The following TAS2R1 variants were observed in gnomAD, a reference collection of about 807,000 sequenced individuals.
TAS2R1 encodes the protein taste 2 receptor member 1.
For synonymous variants in TAS2R1, 141 were observed against 134.2 expected (o/e 1.05, Z -0.35); for missense variants, 370 against 353.4 (o/e 1.05, Z -0.38).
At chr5:9,784,849 TA>T in the TAS2R1 span, among the ~76,000 whole-genome samples, 1 of 152,178 alleles carries the variant, frequency 6.6e-6, no homozygotes, top group East Asian at 1.9e-4. Flanking sequence ...CAGATTAGAT[TA>T]GGGGTCCACC....
the TAS2R1 span, among the ~76,000 whole-genome samples, chr5:9,893,520 TG>T: frequency 6.6e-6 from 1 of 152,306 alleles, no homozygotes; most frequent in African/African-American, 2.4e-5. Flanking sequence ...GTTTTCTAAT[TG>T]GGCTGGTCAA....
At chr5:9,819,614 G>A in the TAS2R1 span, among the ~76,000 whole-genome samples, 1 of 152,300 alleles carries the variant, frequency 6.6e-6, no homozygotes, top group African/African-American at 2.4e-5. Flanking sequence ...TATTAGGTAA[G>A]AAATGGGGAT....
In TAS2R1 at chr5:9,630,157, T is replaced by G; in HGVS notation, c.-125A>C. 1 of 770,300 alleles carries G rather than the reference T, an allele frequency of 1.3e-6. No individual in the cohort carries two copies. The highest frequency in any genetic ancestry group is 2.4e-5 in the South Asian group (1 of 41,692). 47.7% of individuals were successfully genotyped at this position (770,300 alleles called of 1,614,324 possible). A position where few individuals can be genotyped will look rare whatever the true frequency, so the allele number is the denominator to read the frequency against. On this transcript the variant is annotated 5_prime_UTR_variant, in exon 1 of 1. An upstream start codon of the reference 5' UTR is lost. Transcript: ENST00000382492. ...GGGAAGAAGACTAACAATAAAGGCA[T>G]GGGGCAGGAAGGTGGTGTACATTTG...
chr5:9,723,230 A>G, the TAS2R1 span, among the ~76,000 whole-genome samples: 1 of 152,124 alleles, frequency 6.6e-6, no homozygotes, highest in Non-Finnish European at 1.5e-5. Flanking sequence ...GTTGCCATGA[A>G]GACTGGGCCT....
chr5:9,638,974 C>T (rs1424810908), intron 2 of TAS2R1, among the ~76,000 whole-genome samples: 2 of 152,178 alleles, frequency 1.3e-5, no homozygotes, highest in African/African-American at 4.8e-5. Context: ...CCAGCAGTGC[C>T]CCCGCTCAGT....
chr5:9,770,292 A>G, the TAS2R1 span, among the ~76,000 whole-genome samples: 1 of 152,190 alleles, frequency 6.6e-6, no homozygotes, highest in African/African-American at 2.4e-5. Flanking sequence ...TGCCAGTACC[A>G]TGCTGCCTTG....
rs560632402 is a variant in TAS2R1, at chr5:9,636,159, AT to A, written c.-80-6168del. ...TCACTATTACCGTTCAGCTCAAATA[AT>A]TTTTTTTAATTTGCATCTCGATTTC... On this transcript the variant is annotated intron_variant, in intron 2 of 2. Coordinates refer to the TAS2R1 transcript ENST00000506620. Among the ~76,000 whole-genome samples, 11 of 151,934 alleles carry A rather than the reference AT, an allele frequency of 7.2e-5. No individual in the cohort carries two copies. The South Asian group carries it at 1.5e-3, about 20-fold the overall frequency.
chr5:9,846,720 T>C, the TAS2R1 span, among the ~76,000 whole-genome samples: 1 of 151,946 alleles, frequency 6.6e-6, no homozygotes, highest in Non-Finnish European at 1.5e-5. Flanking sequence ...CAAACAAAAA[T>C]GAACTCTACT....
chr5:9,754,760 A>T, the TAS2R1 span, among the ~76,000 whole-genome samples: 2 of 152,214 alleles, frequency 1.3e-5, no homozygotes, highest in Non-Finnish European at 2.9e-5. Flanking sequence ...AAACAAATGG[A>T]AGAACATTCC....
At chr5:9,800,190 G>C in the TAS2R1 span, among the ~76,000 whole-genome samples, 1 of 152,234 alleles carries the variant, frequency 6.6e-6, no homozygotes, top group Non-Finnish European at 1.5e-5. Flanking sequence ...CAGGGATGCT[G>C]TTCAAAATCC....
At chr5:9,759,798 T>C in the TAS2R1 span, among the ~76,000 whole-genome samples, 1 of 152,250 alleles carries the variant, frequency 6.6e-6, no homozygotes, top group East Asian at 1.9e-4. Context: ...ATTTTGAGTA[T>C]CTGCTTAGTT....
chr5:9,873,435 G>A, the TAS2R1 span, among the ~76,000 whole-genome samples: 5 of 145,794 alleles, frequency 3.4e-5, no homozygotes, highest in South Asian at 2.2e-4. Flanking sequence ...ACCTCTTCTC[G>A]TATTGCACAG....
At chr5:9,846,739 C>G in the TAS2R1 span, among the ~76,000 whole-genome samples, 1 of 152,074 alleles carries the variant, frequency 6.6e-6, no homozygotes, top group Non-Finnish European at 1.5e-5. Flanking sequence ...CTTGTAAAAC[C>G]TGAAATTTCT....
chr5:9,893,593 A>C, the TAS2R1 span, among the ~76,000 whole-genome samples: 29 of 151,096 alleles, frequency 1.9e-4, 1 homozygote, highest in Admixed American at 1.6e-3. Context: ...AAAGTAATAC[A>C]TACTTGTAAT....
chr5:9,839,503 A>T, the TAS2R1 span, among the ~76,000 whole-genome samples: 2 of 152,254 alleles, frequency 1.3e-5, no homozygotes, highest in East Asian at 3.8e-4. Context: ...TTTCAGTGAC[A>T]TGATGAAATT....
intron 1 of TAS2R1, among the ~76,000 whole-genome samples, chr5:9,672,591 C>T (rs552944632): frequency 6.6e-6 from 1 of 152,274 alleles, no homozygotes; most frequent in South Asian, 2.1e-4. Context: ...GATACTGTCT[C>T]ACACCAGTAA....
chr5:9,792,867 G>A, the TAS2R1 span, among the ~76,000 whole-genome samples: 1 of 151,998 alleles, frequency 6.6e-6, no homozygotes, highest in African/African-American at 2.4e-5. Context: ...TCTTTAAACT[G>A]GTGATATTCT....
intron 1 of TAS2R1, among the ~76,000 whole-genome samples, chr5:9,666,835 T>A (rs1291626616): frequency 1.3e-5 from 2 of 152,176 alleles, no homozygotes; most frequent in Admixed American, 1.3e-4. Context: ...TTCTATTATA[T>A]ACTATCCCAA....
the TAS2R1 span, among the ~76,000 whole-genome samples, chr5:9,886,324 G>A: frequency 4.1e-3 from 534 of 130,346 alleles, 7 homozygotes; most frequent in African/African-American, 0.014. Flanking sequence ...GAGCCACTGC[G>A]CCCAGCATTT....
Sources: gnomAD v4.1 joint callset for allele counts (sites outside exome capture counted in the v4.1 genomes callset) on GRCh38, gnomAD v4.1.1 for gene constraint, MANE v1.5 for transcripts, NCBI Gene and HGNC (gene_info 2026-07-23, HGNC 2026-07-21) for gene names.